Variants in ABCC2 observed in about 807,000 individuals in gnomAD.
ABCC2 encodes ATP-binding cassette sub-family C member 2.
In ABCC2, 157 loss-of-function variants were observed where a neutral mutation model predicts 173.4. That is an observed-to-expected ratio of 0.91 (90% CI 0.80 to 1.03). The LOEUF (loss-of-function observed/expected upper bound fraction) is 1.03. Ranked by LOEUF, ABCC2 falls within the 50% of genes least tolerant of loss-of-function variation. ABCC2 has a pLI of 0.00. For synonymous variants in ABCC2, 657 were observed against 693.5 expected, an observed-to-expected ratio of 0.95 and a Z score of 0.83; for missense variants, 1,822 against 1,852.3, an observed-to-expected ratio of 0.98 and a Z score of 0.30.
intron 2 of ABCC2, among the ~76,000 whole-genome samples, chr10:99,787,657 A>G (rs1383811613): frequency 6.6e-6 from 1 of 151,650 alleles, no homozygotes; most frequent in African/African-American, 2.4e-5. Flanking sequence ...TGTTAAGTGT[A>G]TTTCATTTGC....
chr10:99,807,300 T>C, intron 11 of ABCC2, 84 bp from the exon 12 acceptor site: 1 of 1,552,248 alleles, frequency 6.4e-7, no homozygotes, highest in South Asian at 1.1e-5. Context: ...TTGGGGACTA[T>C]ATCTTAAAAC....
At position 99,851,558 on chromosome 10, in the gene ABCC2, T is replaced by C. The variant is rs771857453; in HGVS notation, c.4565T>C (p.Leu1522Pro). 6.2e-7 allele frequency: 1 copy of C among 1,614,166 alleles called. No homozygotes were observed. Among genetic ancestry groups the C allele is most frequent in the South Asian group, 1.1e-5 (1 of 91,082 alleles). ...IIECGSPEEL[L>P]QIPGPFYFMA... ...GAGTGCGGCAGCCCTGAAGAACTGCTACAAATCCCTGGACCCTTTTACTTT... is the reference window on the plus strand; with the variant it reads ...GAGTGCGGCAGCCCTGAAGAACTGCCACAAATCCCTGGACCCTTTTACTTT... The change falls in exon 32 of 32, where the codon CTA becomes CCA. Residue 1522 changes from leucine to proline, a missense_variant. Physicochemically the swap from Leu to Pro is moderately conservative, Grantham distance 98. Coordinates refer to ENST00000647814, the MANE Select transcript of ABCC2 (RefSeq NM_000392.5).
At position 99,804,243 on chromosome 10, in the gene ABCC2, G is replaced by T. The variant is rs4267009; in HGVS notation, c.1434G>T (p.Ala478=). Residue 478 remains alanine, a synonymous_variant, in exon 10 of 32, where the codon GCG becomes GCT. Transcript: ENST00000647814. ...TGGTGCTTGTAATCCCAATTAATGC[G>T]ATACTGTCCACCAAGAGTAAGACCA... ...GVMVLVIPIN[A]ILSTKSKTIQ... is the part of the protein sequence containing the mutation. 4.7e-5 allele frequency: 76 copies of T among 1,613,900 alleles called. No homozygotes were observed. The highest frequency in any genetic ancestry group is 6.2e-5 in the Non-Finnish European group (73 of 1,180,004).
At chr10:99,797,660 T>A in intron 7 of ABCC2, 1 of 346,632 alleles carries the variant, frequency 2.9e-6, no homozygotes, top group East Asian at 7.0e-5. Context: ...CTTGAAAATA[T>A]TTATTGAGCA....
At chr10:99,822,289 A>AACAC (rs2038552650) in intron 19 of ABCC2, among the ~76,000 whole-genome samples, 1 of 151,844 alleles carries the variant, frequency 6.6e-6, no homozygotes, top group Non-Finnish European at 1.5e-5. Context: ...TGTGTTCTCT[A>AACAC]GATATTTTGT....
Position 99,811,542 on chromosome 10 carries a change from C to A in ABCC2, c.1907C>A (p.Ala636Asp). ...GAGGGCTTTTTCTCAACAGACAAAG[C>A]CATGCAGTTTTCTGAGGCCTCCTTT... Reference protein sequence around the residue: ...AIRHDCNFDKAMQFSEASFTW... With the variant: ...AIRHDCNFDKDMQFSEASFTW... Residue 636 changes from alanine (A) to aspartate (D), a missense_variant, in exon 15 of 32, where the codon GCC becomes GAC. Transcript: ENST00000647814. 6.2e-7 allele frequency: 1 copy of A among 1,614,050 alleles called. No individual in the cohort carries two copies. The highest frequency in any genetic ancestry group is 8.5e-7 in the Non-Finnish European group (1 of 1,179,978).
At chr10:99,850,864 G>A (rs768126949) in intron 31 of ABCC2, 68 bp downstream of exon 31, 37 of 1,550,644 alleles carry the variant, frequency 2.4e-5, no homozygotes, top group African/African-American at 1.6e-4. Flanking sequence ...AGTGTCAGCC[G>A]GGAAACACCT....
rs1255982060 is a variant in ABCC2, at chr10:99,792,334, A to G, written c.308A>G (p.Asn103Ser). 3.7e-6 allele frequency: 6 copies of G among 1,614,134 alleles called. No individual in the cohort carries two copies. In the South Asian group the frequency reaches 6.6e-5, roughly 18 times the overall value. The change falls in exon 3 of 32, where the codon AAT (asparagine) becomes AGT (serine). Residue 103 changes from asparagine (N) to serine (S), a missense_variant. Transcript: ENST00000647814. ...QATVPAVRYT[N>S]PSLYLGTWLL... The stretch of plus-strand genomic sequence containing the variant: ...ACAGTCCCTGCTGTTCGATATACCA[A>G]TCCAAGCCTCTACCTAGGCACATGG...
chr10:99,850,324 GCA>G (rs2039070765), intron 30 of ABCC2, among the ~76,000 whole-genome samples: 1 of 152,176 alleles, frequency 6.6e-6, no homozygotes, highest in African/African-American at 2.4e-5. Flanking sequence ...TAGTAAAAAG[GCA>G]CCTTCCTAGG....
intron 24 of ABCC2, among the ~76,000 whole-genome samples, chr10:99,834,973 G>A (rs1423414601): frequency 1.3e-5 from 2 of 152,212 alleles, no homozygotes; most frequent in Non-Finnish European, 2.9e-5. Flanking sequence ...GCAGCAGCTG[G>A]GTCTTTCTTT....
intron 10 of ABCC2, among the ~76,000 whole-genome samples, chr10:99,804,874 T>C (rs2038073701): frequency 6.6e-6 from 1 of 152,222 alleles, no homozygotes; most frequent in African/African-American, 2.4e-5. Context: ...GGGCTCCTGT[T>C]CTCATGGATC....
At chr10:99,783,159 C>G (rs2037643920) in intron 1 of ABCC2, among the ~76,000 whole-genome samples, 1 of 152,122 alleles carries the variant, frequency 6.6e-6, no homozygotes, top group Admixed American at 6.6e-5. Flanking sequence ...AAAAACCTTC[C>G]AATTTAATCC....
chr10:99,849,330 G>C (rs1284074918), intron 30 of ABCC2, among the ~76,000 whole-genome samples: 1 of 152,228 alleles, frequency 6.6e-6, no homozygotes, highest in Non-Finnish European at 1.5e-5. Flanking sequence ...AATGAAGACA[G>C]ACCTCTGTCA....
Position 99,831,806 on chromosome 10 carries a change from T to C in ABCC2, c.3079T>C (p.Tyr1027His). 6.2e-7 allele frequency: 1 copy of C among 1,614,218 alleles called. No individual in the cohort carries two copies. Among genetic ancestry groups the C allele is most frequent in the Non-Finnish European group, 8.5e-7 (1 of 1,180,026 alleles). Residue 1027 changes from tyrosine to histidine, a missense_variant, in exon 22 of 32, where the codon TAC becomes CAC. Tyr to His is a moderately conservative substitution (Grantham distance 83, BLOSUM62 2). Coordinates refer to ENST00000647814, the MANE Select transcript of ABCC2 (RefSeq NM_000392.5). ...TCAGAGGGACATGAGAGTTGGAGTC[T>C]ACGGAGCTCTGGGATTAGCCCAAGG... The part of the protein sequence containing the change: ...ASQRDMRVGV[Y>H]GALGLAQGIF...
chr10:99,784,875 C>A, intron 2 of ABCC2, 94 bp downstream of exon 2: 1 of 1,485,322 alleles, frequency 6.7e-7, no homozygotes, highest in Non-Finnish European at 9.3e-7. Context: ...TGTCTTTAAG[C>A]AGCTGTCCCA....
At chr10:99,821,888 CA>C (rs1231645998) in intron 19 of ABCC2, among the ~76,000 whole-genome samples, 3 of 152,052 alleles carry the variant, frequency 2.0e-5, no homozygotes, top group African/African-American at 7.3e-5. Context: ...GGTACACCTG[CA>C]GACATGTGAT....
chr10:99,809,604 C>A (rs906229830), intron 13 of ABCC2, among the ~76,000 whole-genome samples: 1 of 152,204 alleles, frequency 6.6e-6, no homozygotes, highest in African/African-American at 2.4e-5. Flanking sequence ...AGAAGTGCCT[C>A]GAAATCTTCT....
chr10:99,835,305 T>C (rs1301240106), intron 24 of ABCC2, among the ~76,000 whole-genome samples: 3 of 152,148 alleles, frequency 2.0e-5, no homozygotes, highest in Non-Finnish European at 2.9e-5. Context: ...ATTGTCACCA[T>C]AGCGGCCTTT....
At chr10:99,837,451 C>CT (rs1323638111) in intron 25 of ABCC2, among the ~76,000 whole-genome samples, 4 of 9,658 alleles carry the variant, frequency 4.1e-4, no homozygotes, top group South Asian at 3.8e-3. Context: ...AAAGTCCATT[C>CT]TTTTTTTTCT....
Sources: gnomAD v4.1 joint callset for allele counts (sites outside exome capture counted in the v4.1 genomes callset) on GRCh38, gnomAD v4.1.1 for gene constraint, MANE v1.5 for transcripts, NCBI Gene and HGNC (gene_info 2026-07-23, HGNC 2026-07-21) for gene names.